The following PBX3 variants were observed in gnomAD, a reference collection of about 807,000 sequenced individuals.
The protein encoded by PBX3 is PBX homeobox 3.
A neutral mutation model predicts 48.5 loss-of-function variants in PBX3; 14 were observed. That is an observed-to-expected ratio of 0.29 (90% CI 0.19 to 0.45). The LOEUF (loss-of-function observed/expected upper bound fraction) is 0.45, where lower values mean the gene tolerates loss of function less well. PBX3 is among the 20% of genes least tolerant of loss of function. The pLI is 1.00. For missense variants in PBX3, 386 were observed against 546.7 expected, an observed-to-expected ratio of 0.71 and a Z score of 2.93; for synonymous variants, 210 against 200.3, an observed-to-expected ratio of 1.05 and a Z score of -0.41.
At chr9:125,887,973 T>C (rs1840540005) in intron 2 of PBX3, among the ~76,000 whole-genome samples, 1 of 152,174 alleles carries the variant, frequency 6.6e-6, no homozygotes, top group South Asian at 2.1e-4. Flanking sequence ...TGCAAATGTG[T>C]GATGAATCAG....
intron 3 of PBX3, among the ~76,000 whole-genome samples, chr9:125,924,502 C>G (rs1449494313): frequency 6.6e-6 from 1 of 152,140 alleles, no homozygotes; most frequent in Non-Finnish European, 1.5e-5. Context: ...AGGTATGTTG[C>G]AATGAGAAGC....
intron 2 of PBX3, among the ~76,000 whole-genome samples, chr9:125,793,357 G>GGAA (rs1443557451): frequency 9.2e-6 from 1 of 109,068 alleles, no homozygotes; most frequent in African/African-American, 3.9e-5. Context: ...ATTTGGGGGG[G>GGAA]AAAAAAAAAA....
In PBX3 at chr9:125,782,057, T is replaced by A. The variant is rs149328157; in HGVS notation, c.274+33434T>A. 4.0e-3 allele frequency among the ~76,000 whole-genome samples: 611 copies of A among 152,310 alleles called. 9 individuals are homozygous for A. Among genetic ancestry groups the A allele is most frequent in the African/African-American group, 0.014 (572 of 41,556 alleles). ...TGGGGATTACAATTAATATCCTAAG[T>A]TTATAACAATCTGGTGTATTAGTTC... On this transcript the variant is annotated intron_variant, in intron 2 of 8. Coordinates refer to ENST00000373489, the MANE Select transcript of PBX3 (RefSeq NM_006195.6).
At chr9:125,824,342 T>A (rs1309511637) in intron 2 of PBX3, among the ~76,000 whole-genome samples, 1 of 152,214 alleles carries the variant, frequency 6.6e-6, no homozygotes, top group African/African-American at 2.4e-5. Flanking sequence ...TAGATATGCC[T>A]GGAATGAAGA....
intron 2 of PBX3, among the ~76,000 whole-genome samples, chr9:125,750,261 T>C (rs1285284211): frequency 2.0e-5 from 3 of 152,220 alleles, no homozygotes; most frequent in Non-Finnish European, 2.9e-5. Context: ...CTTATATTAC[T>C]AGGGAGAGGG....
chr9:125,949,286 A>G, intron 5 of PBX3: 1 of 1,482,104 alleles, frequency 6.7e-7, no homozygotes, highest in Non-Finnish European at 9.1e-7. Context: ...TCATGTATGA[A>G]GAGTGCCTAG....
intron 2 of PBX3, among the ~76,000 whole-genome samples, chr9:125,765,675 A>C (rs915794682): frequency 6.6e-6 from 1 of 152,206 alleles, no homozygotes; most frequent in African/African-American, 2.4e-5. Context: ...TAGACAACTG[A>C]AAATATATTT....
intron 2 of PBX3, among the ~76,000 whole-genome samples, chr9:125,832,248 T>C (rs1344166950): frequency 2.3e-4 from 35 of 151,646 alleles, no homozygotes; most frequent in Admixed American, 2.3e-3. Context: ...CAGGCTGGAG[T>C]GCAGTGGCGC....
At chr9:125,761,784 T>A (rs1022532589) in intron 2 of PBX3, among the ~76,000 whole-genome samples, 1 of 152,172 alleles carries the variant, frequency 6.6e-6, no homozygotes. Context: ...CCAGTATTGA[T>A]CACCCTATAG....
At chr9:125,810,308 A>AT (rs1318644900) in intron 2 of PBX3, among the ~76,000 whole-genome samples, 1 of 151,490 alleles carries the variant, frequency 6.6e-6, no homozygotes, top group Non-Finnish European at 1.5e-5. Context: ...TTTAAAGATA[A>AT]TTTTCTTCAA....
intron 2 of PBX3, among the ~76,000 whole-genome samples, chr9:125,795,134 T>C (rs78367180): frequency 0.02 from 3,065 of 152,314 alleles, 172 homozygotes; most frequent in East Asian, 0.17. Flanking sequence ...GTTCTTTGCG[T>C]CCATGCTCCA....
chr9:125,936,430 G>C (rs1209479921), intron 5 of PBX3, among the ~76,000 whole-genome samples: 4 of 152,172 alleles, frequency 2.6e-5, no homozygotes, highest in Non-Finnish European at 4.4e-5. Context: ...TTACCAACCA[G>C]TTTTTGTAGT....
At chr9:125,872,276 A>G (rs1473611582) in intron 2 of PBX3, among the ~76,000 whole-genome samples, 1 of 152,232 alleles carries the variant, frequency 6.6e-6, no homozygotes, top group Non-Finnish European at 1.5e-5. Context: ...ATTTTAAAAG[A>G]TTGCAAGAGA....
chr9:125,791,334 T>TCTAC (rs935079866), intron 2 of PBX3, among the ~76,000 whole-genome samples: 5 of 151,548 alleles, frequency 3.3e-5, no homozygotes, highest in African/African-American at 1.2e-4. Flanking sequence ...TATCTATCTA[T>TCTAC]CTATCTATCT....
intron 2 of PBX3, among the ~76,000 whole-genome samples, chr9:125,834,305 ACT>A (rs1334221149): frequency 3.9e-5 from 6 of 152,136 alleles, no homozygotes; most frequent in African/African-American, 1.2e-4. Flanking sequence ...GGGAAGAAAA[ACT>A]CTAAAGATGT....
rs542714347 is a variant in PBX3, at chr9:125,944,048, G to A, written c.843+8441G>A. On this transcript the variant is annotated intron_variant, in intron 5 of 8. Transcript: ENST00000373489. ...CTCCTGGGGCCCATGACAGGGTAGA[G>A]AGTGGATAGGGAGGAGTGAACAGAA... 4.6e-5 allele frequency among the ~76,000 whole-genome samples: 7 copies of A among 152,338 alleles called. No individual in the cohort carries two copies. In the South Asian group the frequency reaches 1.2e-3, roughly 27 times the overall value.
At chr9:125,905,715 G>C (rs1301659567) in intron 2 of PBX3, among the ~76,000 whole-genome samples, 6 of 151,878 alleles carry the variant, frequency 4.0e-5, no homozygotes, top group Non-Finnish European at 5.9e-5. Context: ...GAATACACTT[G>C]CACTAGAATG....
At position 125,929,646 on chromosome 9, in the gene PBX3, C is replaced by G; in HGVS notation, c.517-9C>G. 1 of 1,567,302 alleles carries G rather than the reference C, an allele frequency of 6.4e-7. No individual in the cohort carries two copies. The highest frequency in any genetic ancestry group is 8.7e-7 in the Non-Finnish European group (1 of 1,155,860). On this transcript the variant is annotated splice_polypyrimidine_tract_variant and intron_variant, in intron 3 of 8. Transcript: ENST00000373489. ...TTTCCAAAGGAGTGATTTTTTTTTCCCATTACAGGCATGTAATGAATTTAC... is the reference window on the plus strand; with the variant it reads ...TTTCCAAAGGAGTGATTTTTTTTTCGCATTACAGGCATGTAATGAATTTAC...
intron 2 of PBX3, among the ~76,000 whole-genome samples, chr9:125,887,445 A>G (rs911040196): frequency 6.6e-6 from 1 of 152,244 alleles, no homozygotes; most frequent in African/African-American, 2.4e-5. Context: ...CCAATTTAAA[A>G]TAAACTATGG....
Sources: allele counts gnomAD v4.1 joint callset (sites outside exome capture counted in the v4.1 genomes callset), GRCh38; gene constraint gnomAD v4.1.1; transcripts MANE v1.5; gene names NCBI Gene and HGNC (gene_info 2026-07-23, HGNC 2026-07-21).